Variants in DSCAML1 observed in about 807,000 individuals in gnomAD.
The protein encoded by DSCAML1 is cell adhesion molecule DSCAML1.
DSCAML1 carries 38 observed loss-of-function variants against 200.5 expected under a neutral mutation model. That is an observed-to-expected ratio of 0.19 (90% CI 0.15 to 0.25). The LOEUF is 0.25. DSCAML1 is among the 10% of genes least tolerant of loss of function. The pLI is 1.00. For synonymous variants in DSCAML1, 1,215 were observed against 1,165.0 expected, an observed-to-expected ratio of 1.04 and a Z score of -0.87; for missense variants, 2,223 against 2,858.8, an observed-to-expected ratio of 0.78 and a Z score of 5.07.
chr11:117,807,676 C>G (rs1281205210), intron 1 of DSCAML1, among the ~76,000 whole-genome samples: 1 of 152,190 alleles, frequency 6.6e-6, no homozygotes, highest in Non-Finnish European at 1.5e-5. Flanking sequence ...AGGTGTCGCC[C>G]AAAGACTGAG....
In DSCAML1 at chr11:117,518,808, A is replaced by C; in HGVS notation, c.1214-46T>G. ...CCTTCAGGGTCACCAAGCCATGGAG[A>C]GACGGTCCCCCCAGCCACCCCACCT... On this transcript the variant is annotated intron_variant, in intron 6 of 32. Transcript: ENST00000651296. The surrounding 1 kb of genome is among the most constrained non-coding windows in gnomAD (Gnocchi z 6.3). 6.4e-7 allele frequency: 1 copy of C among 1,563,080 alleles called. No homozygotes were observed. The highest frequency in any genetic ancestry group is 8.6e-7 in the Non-Finnish European group (1 of 1,161,372).
chr11:117,556,332 G>A (rs576131152), intron 3 of DSCAML1, among the ~76,000 whole-genome samples: 1 of 152,248 alleles, frequency 6.6e-6, no homozygotes, highest in South Asian at 2.1e-4. Context: ...TTGAATGCCG[G>A]GGCAAGGGGC....
chr11:117,651,418 C>T (rs1431613600), intron 3 of DSCAML1, among the ~76,000 whole-genome samples: 1 of 152,118 alleles, frequency 6.6e-6, no homozygotes, highest in African/African-American at 2.4e-5. Flanking sequence ...AATGATTGCA[C>T]CCCTAGGCCG....
At chr11:117,525,305 A>G (rs1592697366) in intron 4 of DSCAML1, among the ~76,000 whole-genome samples, 1 of 152,256 alleles carries the variant, frequency 6.6e-6, no homozygotes, top group East Asian at 1.9e-4. Context: ...GATTCCCAGC[A>G]GGGGCTGGGA....
intron 3 of DSCAML1, among the ~76,000 whole-genome samples, chr11:117,619,901 A>C (rs1194999529): frequency 1.3e-5 from 2 of 152,192 alleles, no homozygotes; most frequent in Non-Finnish European, 2.9e-5. Context: ...AAAATACCTA[A>C]GTTCAAATTC....
intron 3 of DSCAML1, chr11:117,611,712 G>A (rs1265806256): frequency 6.6e-6 from 1 of 152,096 alleles, no homozygotes. Flanking sequence ...CACATCCAGC[G>A]GGGTTGTCAA....
chr11:117,526,177 G>C (rs576992862), intron 4 of DSCAML1, among the ~76,000 whole-genome samples: 1 of 152,292 alleles, frequency 6.6e-6, no homozygotes, highest in Non-Finnish European at 1.5e-5. Context: ...GCCCCTGGGG[G>C]ACCTCCTCCT....
chr11:117,731,352 C>G (rs955625446), intron 3 of DSCAML1, among the ~76,000 whole-genome samples: 2 of 152,184 alleles, frequency 1.3e-5, no homozygotes, highest in African/African-American at 4.8e-5. Context: ...CCAAGGTCCT[C>G]AACATGGGTG....
In DSCAML1 at chr11:117,487,856, G is replaced by A. The variant is rs77610926; in HGVS notation, c.2360-5694C>T. ...GTTCTAGTATTTTCTGCTGTTTGGGGAAAGGGCCACAGTGGGAAGTGGCAA... is the reference window on the plus strand; with the variant it reads ...GTTCTAGTATTTTCTGCTGTTTGGGAAAAGGGCCACAGTGGGAAGTGGCAA... On this transcript the variant is annotated intron_variant, in intron 11 of 32. Coordinates refer to ENST00000651296, the MANE Select transcript of DSCAML1 (RefSeq NM_020693.4). 4.7e-4 allele frequency among the ~76,000 whole-genome samples: 72 copies of A among 152,278 alleles called. No individual in the cohort carries two copies. The East Asian group carries it at 0.013, about 28-fold the overall frequency.
At chr11:117,566,401 G>A (rs2050757873) in intron 3 of DSCAML1, among the ~76,000 whole-genome samples, 1 of 147,616 alleles carries the variant, frequency 6.8e-6, no homozygotes, top group Admixed American at 6.9e-5. Flanking sequence ...AGGCTGGAGT[G>A]CAGTGGTGCA....
intron 3 of DSCAML1, among the ~76,000 whole-genome samples, chr11:117,741,201 C>T (rs563562079): frequency 6.6e-6 from 1 of 152,346 alleles, no homozygotes; most frequent in South Asian, 2.1e-4. Context: ...CTCTGCTTTC[C>T]CAGAACTCCT....
At chr11:117,656,894 G>A (rs1454450553) in intron 3 of DSCAML1, among the ~76,000 whole-genome samples, 1 of 152,238 alleles carries the variant, frequency 6.6e-6, no homozygotes. Flanking sequence ...CTAAGAGGTG[G>A]CAGTGCTATG....
intron 3 of DSCAML1, among the ~76,000 whole-genome samples, chr11:117,548,422 G>C (rs989826018): frequency 1.3e-5 from 2 of 152,144 alleles, no homozygotes; most frequent in African/African-American, 4.8e-5. Flanking sequence ...TCCCATAGGG[G>C]TACACCCTTC....
intron 3 of DSCAML1, among the ~76,000 whole-genome samples, chr11:117,733,369 G>T (rs555936258): frequency 6.6e-6 from 1 of 152,334 alleles, no homozygotes; most frequent in Non-Finnish European, 1.5e-5. Flanking sequence ...GTGGGGCTCA[G>T]TGAGTGGGGG....
At chr11:117,746,744 G>A (rs1352720225) in intron 3 of DSCAML1, among the ~76,000 whole-genome samples, 1 of 152,126 alleles carries the variant, frequency 6.6e-6, no homozygotes, top group East Asian at 1.9e-4. Context: ...ACAGGGCTCT[G>A]TTACTCCTCC....
intron 3 of DSCAML1, among the ~76,000 whole-genome samples, chr11:117,690,144 A>G: frequency 6.6e-6 from 1 of 152,258 alleles, no homozygotes; most frequent in East Asian, 1.9e-4. Context: ...GAGCTGCTTC[A>G]CTTCATTAAC....
intron 8 of DSCAML1, among the ~76,000 whole-genome samples, chr11:117,509,925 G>A (rs1482598116): frequency 6.6e-6 from 1 of 152,234 alleles, no homozygotes; most frequent in Non-Finnish European, 1.5e-5. Context: ...GCAGGCAGCT[G>A]GATGTAGGGG....
At chr11:117,785,572 G>T (rs1364847708) in intron 1 of DSCAML1, among the ~76,000 whole-genome samples, 1 of 152,104 alleles carries the variant, frequency 6.6e-6, no homozygotes, top group Non-Finnish European at 1.5e-5. Context: ...GGCAGTGGGG[G>T]ATATGTGGAG....
At chr11:117,692,662 C>A (rs1000454483) in intron 3 of DSCAML1, among the ~76,000 whole-genome samples, 4 of 152,132 alleles carry the variant, frequency 2.6e-5, no homozygotes, top group Admixed American at 2.6e-4. Context: ...CTAGAAGAGA[C>A]CTTCAAGAGC....
Sources: gnomAD v4.1 joint callset for allele counts (sites outside exome capture counted in the v4.1 genomes callset) on GRCh38, gnomAD v4.1.1 for gene constraint, Gnocchi (gnomAD v3.1) non-coding constraint, MANE v1.5 for transcripts, NCBI Gene and HGNC (gene_info 2026-07-23, HGNC 2026-07-21) for gene names.